The following EDEM2 variants were observed in gnomAD, a reference collection of about 807,000 sequenced individuals.
EDEM2 encodes the protein ER degradation enhancing alpha-mannosidase like protein 2.
A neutral mutation model predicts 64.8 loss-of-function variants in EDEM2; 39 were observed. The observed-to-expected ratio is 0.60, with a 90% CI of 0.47 to 0.79. EDEM2 has a LOEUF of 0.79. EDEM2 is among the 30% of genes least tolerant of loss of function. The pLI is 0.00. For synonymous variants in EDEM2, 296 were observed against 291.5 expected (o/e 1.02, Z -0.16); for missense variants, 609 against 731.3 (o/e 0.83, Z 1.93).
At chr20:35,123,621 A>G (rs73279923) in intron 9 of EDEM2, among the ~76,000 whole-genome samples, 14,003 of 152,076 alleles carry the variant, frequency 0.092, 2,171 homozygotes, top group African/African-American at 0.32. Flanking sequence ...AAGAGCATGC[A>G]ATTTAGTTAG....
At chr20:35,144,476 G>C (rs2085701542) in intron 3 of EDEM2, among the ~76,000 whole-genome samples, 1 of 152,130 alleles carries the variant, frequency 6.6e-6, no homozygotes, top group South Asian at 2.1e-4. Flanking sequence ...TGGGATAACA[G>C]ACATGTGCCA....
rs1004292544 is a variant in EDEM2 at position 35,144,308 on chromosome 20, C to T, written c.258+671G>A. On this transcript the variant is annotated intron_variant, in intron 3 of 10. Coordinates refer to ENST00000374492, the MANE Select transcript of EDEM2 (RefSeq NM_018217.3). The stretch of plus-strand genomic sequence containing the variant: ...ATGTCTGTACTAAGCCCTACAGAAA[C>T]ATACTAACTAGTCACTGATATTATT... 1.8e-4 allele frequency among the ~76,000 whole-genome samples: 27 copies of T among 152,120 alleles called. 1 individual carries two copies. Among genetic ancestry groups the T allele is most frequent in the Non-Finnish European group, 1.5e-5 (1 of 68,026 alleles).
intron 9 of EDEM2, 102 bp downstream of exon 9, chr20:35,123,788 T>G: frequency 2.1e-6 from 3 of 1,410,282 alleles, no homozygotes; most frequent in South Asian, 1.4e-5. Context: ...TGGAAAGAAA[T>G]GAACTTGTGG....
At chr20:35,140,593 T>G (rs1362769640) in intron 4 of EDEM2, among the ~76,000 whole-genome samples, 1 of 152,186 alleles carries the variant, frequency 6.6e-6, no homozygotes, top group Non-Finnish European at 1.5e-5. Context: ...AATATATAAC[T>G]GTAGCATATA....
intron 5 of EDEM2, 27 bp from the exon 6 acceptor site, chr20:35,134,976 G>C: frequency 6.2e-7 from 1 of 1,609,140 alleles, no homozygotes; most frequent in South Asian, 1.1e-5. Context: ...TTATGATCCC[G>C]GACAGGAGCA....
In EDEM2 at chr20:35,115,698, A is replaced by T; in HGVS notation, c.1472T>A (p.Leu491Gln). The change falls in exon 11 of 11, where the codon CTG (leucine) becomes CAG (glutamine). Residue 491 changes from leucine (L) to glutamine (Q), a missense_variant. Transcript: ENST00000374492. Reference sequence around the variant, plus strand: ...CTCCACCTCCCACTGCTCTTCCTTCAGCCTCTGGCAGCAGTGCAGGGCGGC... The same window carrying T: ...CTCCACCTCCCACTGCTCTTCCTTCTGCCTCTGGCAGCAGTGCAGGGCGGC... ...DPAALHCCQRLKEEQWEVEDL... is the reference protein window; with the variant it reads ...DPAALHCCQRQKEEQWEVEDL... 4 of 1,614,164 alleles carry T rather than the reference A, an allele frequency of 2.5e-6. No homozygotes were observed. The highest frequency in any genetic ancestry group is 3.4e-6 in the Non-Finnish European group (4 of 1,180,018).
chr20:35,115,812 G>T lies in EDEM2; in HGVS notation c.1358C>A (p.Thr453Asn). ...ATAGGGGGTGATCACCGCGTCGAAGGTGGACCCATTGTTGTGGATGAAGTT... is the reference window on the plus strand; with the variant it reads ...ATAGGGGGTGATCACCGCGTCGAAGTTGGACCCATTGTTGTGGATGAAGTT... ...PTNFIHNNGS[T>N]FDAVITPYGE... Residue 453 changes from threonine to asparagine, a missense_variant, in exon 11 of 11, where the codon ACC becomes AAC. Physicochemically the swap from Thr to Asn is moderately conservative, Grantham distance 65. Coordinates refer to ENST00000374492, the MANE Select transcript of EDEM2 (RefSeq NM_018217.3). The T allele has an allele frequency of 6.2e-7, 1 of 1,614,198 alleles. No homozygotes were observed. Among genetic ancestry groups the T allele is most frequent in the Non-Finnish European group, 8.5e-7 (1 of 1,180,038 alleles).
chr20:35,145,266 C>T lies in EDEM2; in HGVS notation c.219-248G>A, dbSNP rs75579374. On this transcript the variant is annotated intron_variant, in intron 2 of 10. Coordinates refer to ENST00000374492, the MANE Select transcript of EDEM2 (RefSeq NM_018217.3). ...TACATCACCTATAGTCTGGCATTCT[C>T]CTCTACCATTGGGAGGCAGTATAAG... Among the ~76,000 whole-genome samples the T allele has an allele frequency of 5.6e-3, 851 of 152,306 alleles. 9 individuals carry two copies. Among genetic ancestry groups the T allele is most frequent in the African/African-American group, 0.019 (798 of 41,574 alleles).
chr20:35,137,960 C>A lies in EDEM2; in HGVS notation c.410G>T (p.Gly137Val). The change falls in exon 5 of 11, where the codon GGG (glycine) becomes GTG (valine). Residue 137 changes from glycine (G) to valine (V), a missense_variant. By Grantham distance (109) the Gly-to-Val change is moderately radical. Transcript: ENST00000374492. ...GGGCCATCCAGCCTCTACTTCCACC[C>A]CAGCCTTCTTGGAGAGCAGATGAGC... ...LSAHLLSKKA[G>V]VEVEAGWPCS... is the part of the protein sequence containing the mutation. 6.2e-7 allele frequency: 1 copy of A among 1,614,212 alleles called. No homozygotes were observed. Among genetic ancestry groups the A allele is most frequent in the Non-Finnish European group, 8.5e-7 (1 of 1,180,038 alleles).
At position 35,142,504 on chromosome 20, in the gene EDEM2, A is replaced by T. The variant is rs1353457524; in HGVS notation, c.259-26T>A. ...CTGGAAATAAAAAAGAGACCTGACA[A>T]TGAGGCTCTTACATGCATGGAGGCA... On this transcript the variant is annotated intron_variant, in intron 3 of 10. Transcript: ENST00000374492. 3.2e-6 allele frequency: 5 copies of T among 1,561,768 alleles called. No homozygotes were observed. The South Asian group carries it at 4.5e-5, about 14-fold the overall frequency.
At position 35,137,930 on chromosome 20, in the gene EDEM2, G is replaced by C; in HGVS notation, c.440C>G (p.Ser147Cys). 6.2e-7 allele frequency: 1 copy of C among 1,614,188 alleles called. No individual in the cohort carries two copies. Among genetic ancestry groups the C allele is most frequent in the Non-Finnish European group, 8.5e-7 (1 of 1,180,022 alleles). The change falls in exon 5 of 11, where the codon TCC becomes TGC. Residue 147 changes from serine to cysteine, a missense_variant. Transcript: ENST00000374492. The part of the protein sequence containing the change: ...GVEVEAGWPC[S>C]GPLLRMAEEA... ...CTCAGCCATTCTCAGGAGAGGCCCG[G>C]AACAGGGCCATCCAGCCTCTACTTC...
Position 35,134,721 on chromosome 20 carries a change from G to A in EDEM2, c.702+17C>T, listed in dbSNP as rs532605803. 6.2e-7 allele frequency: 1 copy of A among 1,612,034 alleles called. No individual in the cohort carries two copies. Among genetic ancestry groups the A allele is most frequent in the South Asian group, 1.1e-5 (1 of 90,962 alleles). On this transcript the variant is annotated intron_variant, in intron 6 of 10. Transcript: ENST00000374492. ...CGTAAGCAGGGACTCAAACAGGAAG[G>A]GCAGCAGCGAACCTACCAGCCCGAT...
chr20:35,116,030 G>T, intron 10 of EDEM2, 97 bp from the exon 11 acceptor site: 2 of 1,358,456 alleles, frequency 1.5e-6, no homozygotes, highest in South Asian at 1.4e-5. Context: ...CCACAAAGCA[G>T]CTGAGGGCCT....
chr20:35,126,387 G>A lies in EDEM2; in HGVS notation c.845-12C>T. ...GGCTTTGTTATACTCTGCAGTGGGG[G>A]AGATGGGATAATGGACATATGAGTG... On this transcript the variant is annotated splice_polypyrimidine_tract_variant and intron_variant, in intron 7 of 10. Transcript: ENST00000374492. The A allele has an allele frequency of 6.2e-7, 1 of 1,613,490 alleles. No individual in the cohort carries two copies. The highest frequency in any genetic ancestry group is 8.5e-7 in the Non-Finnish European group (1 of 1,179,836).
intron 10 of EDEM2, 150 bp from the exon 11 acceptor site, chr20:35,116,083 A>G (rs1478627134): frequency 3.7e-6 from 3 of 819,854 alleles, no homozygotes; most frequent in African/African-American, 3.4e-5. Context: ...CTCTTTCCCA[A>G]GCCACCATCA....
Position 35,134,735 on chromosome 20 carries a change from T to C in EDEM2, c.702+3A>G. 1 of 1,612,594 alleles carries C rather than the reference T, an allele frequency of 6.2e-7. No individual in the cohort carries two copies. The highest frequency in any genetic ancestry group is 8.5e-7 in the Non-Finnish European group (1 of 1,179,912). ...CAAACAGGAAGGGCAGCAGCGAACC[T>C]ACCAGCCCGATATCTGACCGGCTCT... On this transcript the variant is annotated splice_donor_region_variant and intron_variant, in intron 6 of 10. Coordinates refer to ENST00000374492, the MANE Select transcript of EDEM2 (RefSeq NM_018217.3).
rs546238305 is a variant in EDEM2, at chr20:35,143,723, A to G, written c.259-1245T>C. Among the ~76,000 whole-genome samples, 10 of 152,066 alleles carry G rather than the reference A, an allele frequency of 6.6e-5. No homozygotes were observed. In the East Asian group the frequency reaches 1.7e-3, roughly 26 times the overall value. On this transcript the variant is annotated intron_variant, in intron 3 of 10. Coordinates refer to ENST00000374492, the MANE Select transcript of EDEM2 (RefSeq NM_018217.3). ...TGGGTACTTGACCTGAACCAGTCCA[A>G]GTCTTTTTTTTGAGACAGGGTCTTG...
intron 4 of EDEM2, among the ~76,000 whole-genome samples, chr20:35,138,309 G>C (rs75787108): frequency 1.3e-5 from 2 of 152,232 alleles, no homozygotes; most frequent in South Asian, 2.1e-4. Flanking sequence ...GCTATTTTTT[G>C]TAAGTCCCTA....
At chr20:35,121,917 G>A (rs117850366) in intron 9 of EDEM2, among the ~76,000 whole-genome samples, 2,607 of 152,142 alleles carry the variant, frequency 0.017, 38 homozygotes, top group South Asian at 0.058. Context: ...AGGTAGCTGG[G>A]ATGGGACTAC....
Sources: gnomAD v4.1 joint callset for allele counts (sites outside exome capture counted in the v4.1 genomes callset) on GRCh38, gnomAD v4.1.1 for gene constraint, MANE v1.5 for transcripts, NCBI Gene and HGNC (gene_info 2026-07-23, HGNC 2026-07-21) for gene names.